NPC1: variants seen among roughly 807,000 people sequenced by gnomAD.
The protein encoded by NPC1 is NPC intracellular cholesterol transporter 1, also known as Niemann-Pick C1 protein.
NPC1 carries 85 observed loss-of-function variants against 140.4 expected under a neutral mutation model. The observed-to-expected ratio is 0.61, with a 90% CI of 0.51 to 0.72. The LOEUF is 0.72. Ranked by LOEUF, NPC1 falls within the 30% of genes least tolerant of loss-of-function variation. The probability of loss-of-function intolerance (pLI) is 0.00; values close to 1 mark genes in which losing one functional copy is unlikely to be tolerated. For synonymous variants in NPC1, 656 were observed against 624.8 expected, an observed-to-expected ratio of 1.05 and a Z score of -0.74; for missense variants, 1,504 against 1,623.8, an observed-to-expected ratio of 0.93 and a Z score of 1.27.
chr18:23,530,245 C>T, downstream of NPC1: 1 of 1,614,210 alleles, frequency 6.2e-7, no homozygotes, highest in South Asian at 1.1e-5. Context: ...CTGCTGTTAT[C>T]CCTAGAGAGT....
intron 8 of NPC1, among the ~76,000 whole-genome samples, chr18:23,555,619 G>A (rs1383955184): frequency 6.6e-6 from 1 of 152,140 alleles, no homozygotes; most frequent in East Asian, 1.9e-4. Flanking sequence ...AAAAGAAGCC[G>A]GTACAGTTTA....
At chr18:23,570,190 A>G (rs922546659) in intron 3 of NPC1, among the ~76,000 whole-genome samples, 1 of 152,202 alleles carries the variant, frequency 6.6e-6, no homozygotes, top group African/African-American at 2.4e-5. Flanking sequence ...AACCTTTTCC[A>G]TGTTACTACA....
intron 14 of NPC1, among the ~76,000 whole-genome samples, chr18:23,543,106 T>TCA (rs2058733994): frequency 6.6e-6 from 1 of 152,054 alleles, no homozygotes; most frequent in Non-Finnish European, 1.5e-5. Context: ...GGCAGGTACA[T>TCA]CACCTGAGGT....
chr18:23,534,587 GCT>G (rs779803787), intron 22 of NPC1, 28 bp from the exon 23 acceptor site: 3 of 1,566,584 alleles, frequency 1.9e-6, no homozygotes, highest in Non-Finnish European at 2.6e-6. Context: ...CTTTAGGATG[GCT>G]CTCTTCCTGT....
intron 6 of NPC1, 88 bp from the exon 7 acceptor site, chr18:23,557,278 T>A: frequency 1.0e-6 from 1 of 984,962 alleles, no homozygotes; most frequent in Non-Finnish European, 1.6e-6. Flanking sequence ...CATGAAATGC[T>A]TTCTTCCTCC....
At chr18:23,516,067 G>T in intron 3 of NPC1, 1 of 1,601,990 alleles carries the variant, frequency 6.2e-7, no homozygotes, top group Non-Finnish European at 8.5e-7. Flanking sequence ...ATCCTAATGT[G>T]TCAGGCACGT....
At chr18:23,536,505 C>A (rs957918280) in intron 21 of NPC1, among the ~76,000 whole-genome samples, 168 bp downstream of exon 21, 1 of 152,208 alleles carries the variant, frequency 6.6e-6, no homozygotes, top group African/African-American at 2.4e-5. Flanking sequence ...AGATTCTGAA[C>A]TCCTTTGCCC....
At chr18:23,563,868 A>G (rs1424101919) in intron 4 of NPC1, among the ~76,000 whole-genome samples, 3 of 151,554 alleles carry the variant, frequency 2.0e-5, no homozygotes, top group Non-Finnish European at 4.4e-5. Context: ...GACTCATAGT[A>G]TTGAGCATCT....
intron 3 of NPC1, among the ~76,000 whole-genome samples, chr18:23,511,965 G>T (rs902632931): frequency 3.3e-5 from 5 of 151,600 alleles, no homozygotes; most frequent in Non-Finnish European, 7.4e-5. Context: ...CCTTTAGGAG[G>T]ACTGGATATT....
chr18:23,529,172 C>A (rs1240803453), downstream of NPC1: 3 of 1,604,608 alleles, frequency 1.9e-6, no homozygotes, highest in Non-Finnish European at 2.5e-6. Context: ...TGGTTTTTTT[C>A]TTTCAGGCGG....
At chr18:23,509,078 A>G (rs1223613812) in intron 3 of NPC1, 2 of 385,390 alleles carry the variant, frequency 5.2e-6, no homozygotes, top group African/African-American at 4.2e-5. Flanking sequence ...ATTAGTAAAC[A>G]TTCCGGGGAA....
intron 3 of NPC1, among the ~76,000 whole-genome samples, chr18:23,511,412 A>T (rs1368800750): frequency 6.6e-6 from 1 of 152,250 alleles, no homozygotes; most frequent in African/African-American, 2.4e-5. Context: ...AATCTGTACC[A>T]CAAACCCCGT....
At chr18:23,524,060 G>C in intron 1 of NPC1, 1 of 1,462,122 alleles carries the variant, frequency 6.8e-7, no homozygotes. Flanking sequence ...ATTGACTTTT[G>C]TGTCATAAGT....
At chr18:23,556,638 A>T in intron 7 of NPC1, 25 bp from the exon 8 acceptor site, 12 of 1,613,260 alleles carry the variant, frequency 7.4e-6, no homozygotes, top group Non-Finnish European at 1.0e-5. Context: ...GAGGAAGGGA[A>T]GGTGGAGGTT....
chr18:23,540,621 A>C, intron 16 of NPC1, 84 bp from the exon 17 acceptor site: 3 of 1,031,688 alleles, frequency 2.9e-6, no homozygotes, highest in Non-Finnish European at 4.5e-6. Context: ...CACACACAAA[A>C]AGCAGGATTT....
intron 14 of NPC1, 121 bp downstream of exon 14, chr18:23,543,334 A>AAAAAAAAAAAAAG: frequency 1.8e-6 from 1 of 545,194 alleles, no homozygotes; most frequent in African/African-American, 2.1e-5. Flanking sequence ...GTCTCAGAGA[A>AAAAAAAAAAAAAG]AAAAAAAAAA....
intron 10 of NPC1, among the ~76,000 whole-genome samples, chr18:23,550,303 C>A (rs947660330): frequency 6.6e-6 from 1 of 151,754 alleles, no homozygotes; most frequent in Admixed American, 6.6e-5. Flanking sequence ...GAATAACTCT[C>A]GGCCCAGTTT....
At chr18:23,516,124 A>G in intron 3 of NPC1, 2 of 1,437,482 alleles carry the variant, frequency 1.4e-6, no homozygotes, top group Non-Finnish European at 1.9e-6. Flanking sequence ...TGACCACTAG[A>G]GGGCACTCTG....
In NPC1 at chr18:23,532,226, C is replaced by T; in HGVS notation, c.3813G>A (p.Glu1271=). The change falls in exon 25 of 25, where the codon GAG becomes GAA. Residue 1271 remains glutamate (E), a synonymous_variant. Transcript: ENST00000269228. ...GCTAGAAATTTAGAAGCCGTTCGCG[C>T]TCTGTTCCTTTGTATCGCTCTTCAG... ...CATEERYKGT[E]RERLLNF 1.9e-6 allele frequency: 3 copies of T among 1,614,158 alleles called. No homozygotes were observed. The highest frequency in any genetic ancestry group is 2.5e-6 in the Non-Finnish European group (3 of 1,180,030).
Sources: gnomAD v4.1 joint callset for allele counts (sites outside exome capture counted in the v4.1 genomes callset) on GRCh38, gnomAD v4.1.1 for gene constraint, MANE v1.5 for transcripts, NCBI Gene and HGNC (gene_info 2026-07-23, HGNC 2026-07-21) for gene names.